STX3: variants seen among roughly 807,000 people sequenced by gnomAD.
STX3 encodes the protein syntaxin-3.
In STX3, 19 loss-of-function variants were observed where a neutral mutation model predicts 40.2. The ratio of observed to expected loss-of-function variants is 0.47; its 90% CI spans 0.33 to 0.69. The LOEUF (loss-of-function observed/expected upper bound fraction) is 0.69. STX3 is among the 30% of genes least tolerant of loss of function. The pLI is 0.02. For synonymous variants in STX3, 122 were observed against 132.2 expected (o/e 0.92, Z 0.53); for missense variants, 364 against 366.7 (o/e 0.99, Z 0.06).
At chr11:59,797,050 G>A (rs1865561426) in intron 9 of STX3, among the ~76,000 whole-genome samples, 1 of 152,184 alleles carries the variant, frequency 6.6e-6, no homozygotes, top group Non-Finnish European at 1.5e-5. Context: ...GGTCGAGGCT[G>A]CAGTGAGCCA....
At position 59,790,526 on chromosome 11, in the gene STX3, G is replaced by T. The variant is rs1244246139; in HGVS notation, c.297G>T (p.Glu99Asp). The T allele has an allele frequency of 1.2e-6, 2 of 1,613,730 alleles. No homozygotes were observed. Among genetic ancestry groups the T allele is most frequent in the African/African-American group, 2.7e-5 (2 of 75,046 alleles). ...CCTTCCTCTCCTCTTTAGGCATGGA[G>T]AAGCATATTGAAGAAGATGAGGTCA... is the stretch of plus-strand genomic sequence containing the variant. ...NNVRNKLKSMEKHIEEDEVRS... is the reference protein window; with the variant it reads ...NNVRNKLKSMDKHIEEDEVRS... The change falls in exon 5 of 11, where the codon GAG becomes GAT. Residue 99 changes from glutamate to aspartate, a missense_variant. Coordinates refer to ENST00000337979, the MANE Select transcript of STX3 (RefSeq NM_004177.5).
chr11:59,770,169 GGT>G (rs970446666), intron 1 of STX3, among the ~76,000 whole-genome samples: 12 of 148,346 alleles, frequency 8.1e-5, no homozygotes, highest in South Asian at 2.1e-4. Flanking sequence ...GCGTGTAAGG[GGT>G]GTGTGTGTGT....
intron 1 of STX3, among the ~76,000 whole-genome samples, chr11:59,763,290 A>T (rs1863129852): frequency 6.6e-6 from 1 of 152,136 alleles, no homozygotes; most frequent in African/African-American, 2.4e-5. Flanking sequence ...GTGATTCTGG[A>T]TGAATTAACC....
intron 2 of STX3, among the ~76,000 whole-genome samples, chr11:59,783,720 T>C (rs1864570983): frequency 6.6e-6 from 1 of 152,132 alleles, no homozygotes; most frequent in Non-Finnish European, 1.5e-5. Flanking sequence ...TTTCACACCA[T>C]TAAATACTCA....
chr11:59,793,267 A>G, intron 7 of STX3, 95 bp downstream of exon 7: 1 of 1,605,626 alleles, frequency 6.2e-7, no homozygotes, highest in Non-Finnish European at 8.5e-7. Context: ...GGGGAGCTGC[A>G]GGTGCAGGGA....
chr11:59,782,753 G>A (rs1263419307), intron 2 of STX3, among the ~76,000 whole-genome samples: 5 of 152,008 alleles, frequency 3.3e-5, no homozygotes, highest in African/African-American at 9.7e-5. Flanking sequence ...AGCACTTTGG[G>A]AGGCCGAGGT....
chr11:59,771,833 C>G (rs1863666796), intron 1 of STX3, among the ~76,000 whole-genome samples: 1 of 152,100 alleles, frequency 6.6e-6, no homozygotes, highest in South Asian at 2.1e-4. Flanking sequence ...GATGATGTTA[C>G]GTGGCAGAAG....
intron 1 of STX3, among the ~76,000 whole-genome samples, chr11:59,767,005 C>T (rs1046919569): frequency 2.6e-5 from 4 of 152,178 alleles, no homozygotes; most frequent in African/African-American, 9.7e-5. Flanking sequence ...AGAGAGGAAC[C>T]TGTGGTCAGA....
chr11:59,793,008 A>C, intron 6 of STX3, 91 bp from the exon 7 acceptor site: 1 of 1,290,946 alleles, frequency 7.7e-7, no homozygotes, highest in South Asian at 1.3e-5. Context: ...CGGTCTTTAT[A>C]GGGAAGTCAC....
At chr11:59,792,308 G>T in intron 6 of STX3, 93 bp downstream of exon 6, 1 of 1,067,192 alleles carries the variant, frequency 9.4e-7, no homozygotes, top group Non-Finnish European at 1.4e-6. Context: ...CAAGCAGGAA[G>T]CACATTTTGT....
chr11:59,777,106 G>C (rs527319878), intron 2 of STX3, among the ~76,000 whole-genome samples: 4 of 152,276 alleles, frequency 2.6e-5, no homozygotes, highest in African/African-American at 9.6e-5. Flanking sequence ...ATCTGGTAAG[G>C]GTGATAGAAA....
chr11:59,797,167 C>T (rs1865569409), intron 9 of STX3, 116 bp from the exon 10 acceptor site: 1 of 728,456 alleles, frequency 1.4e-6, no homozygotes, highest in Non-Finnish European at 2.4e-6. Context: ...AGGCCTCTTA[C>T]TCAGACTGGT....
intron 10 of STX3, 51 bp downstream of exon 10, chr11:59,797,447 A>G: frequency 1.5e-6 from 2 of 1,365,366 alleles, no homozygotes; most frequent in Non-Finnish European, 2.1e-6. Flanking sequence ...CCTCAAGAGG[A>G]AATTAGCTTG....
chr11:59,792,039 G>T (rs1262945619), intron 5 of STX3, 68 bp from the exon 6 acceptor site: 5 of 1,224,088 alleles, frequency 4.1e-6, no homozygotes, highest in Non-Finnish European at 6.0e-6. Context: ...GCTATGTGGG[G>T]GTGGGGAGGG....
At chr11:59,760,977 C>T (rs1049740426) in intron 1 of STX3, among the ~76,000 whole-genome samples, 1 of 152,234 alleles carries the variant, frequency 6.6e-6, no homozygotes, top group Non-Finnish European at 1.5e-5. Context: ...TTAATAACAG[C>T]TTGACCCTTA....
At chr11:59,763,224 A>G (rs1863126730) in intron 1 of STX3, among the ~76,000 whole-genome samples, 1 of 152,186 alleles carries the variant, frequency 6.6e-6, no homozygotes, top group Non-Finnish European at 1.5e-5. Flanking sequence ...TTAATGAAGG[A>G]GTGAACATTG....
intron 10 of STX3, among the ~76,000 whole-genome samples, chr11:59,798,474 C>A (rs191247381): frequency 1.3e-5 from 2 of 152,122 alleles, no homozygotes; most frequent in African/African-American, 4.8e-5. Flanking sequence ...GGATTACAGG[C>A]GTGAGCCACT....
At position 59,805,398 on chromosome 11, in the gene STX3, ATTCT is replaced by A. The variant is rs1309048451; in HGVS notation, c.*4577_*4580del. On this transcript the variant is annotated 3_prime_UTR_variant, in exon 11 of 11. Coordinates refer to ENST00000337979, the MANE Select transcript of STX3 (RefSeq NM_004177.5). ...AAGTTTGTACTTTTGAAAGTAAATT[ATTCT>A]TTGTTTGATACCTTATTTTTTAAGA... The A allele has an allele frequency of 2.6e-5, 4 of 152,256 alleles. No homozygotes were observed. The South Asian group carries it at 6.2e-4, about 24-fold the overall frequency. 9.4% of individuals were successfully genotyped at this position (152,256 alleles called of 1,614,324 possible). A position where few individuals can be genotyped will look rare whatever the true frequency, so the allele number is the denominator to read the frequency against.
Position 59,802,356 on chromosome 11 carries a change from T to C in STX3, c.*1532T>C. The C allele has an allele frequency of 2.0e-6, 2 of 985,542 alleles. No individual in the cohort carries two copies. Among genetic ancestry groups the C allele is most frequent in the Non-Finnish European group, 2.4e-6 (2 of 829,968 alleles). 61.0% of individuals were successfully genotyped at this position (985,542 alleles called of 1,614,324 possible). On this transcript the variant is annotated 3_prime_UTR_variant, in exon 11 of 11. Transcript: ENST00000337979. ...CCTTGATTTTGGGTACCATGTATAT[T>C]TTCCGCTTTGACTTTAACGCTTTCT...
Sources: allele counts gnomAD v4.1 joint callset (sites outside exome capture counted in the v4.1 genomes callset), GRCh38; gene constraint gnomAD v4.1.1; transcripts MANE v1.5; gene names NCBI Gene and HGNC (gene_info 2026-07-23, HGNC 2026-07-21).